GRM7: variants seen among roughly 807,000 people sequenced by gnomAD.
The protein encoded by GRM7 is metabotropic glutamate receptor 7.
GRM7 carries 35 observed loss-of-function variants against 84.5 expected under a neutral mutation model. The ratio of observed to expected loss-of-function variants is 0.41; its 90% CI spans 0.32 to 0.55. GRM7 has a LOEUF of 0.55. GRM7 is among the 20% of genes least tolerant of loss of function. GRM7 has a pLI of 0.19. For missense variants in GRM7, 1,003 were observed against 1,194.6 expected, an observed-to-expected ratio of 0.84 and a Z score of 2.36; for synonymous variants, 487 against 455.1, an observed-to-expected ratio of 1.07 and a Z score of -0.89.
At chr3:7,373,575 C>T (rs570555606) in intron 4 of GRM7, among the ~76,000 whole-genome samples, 2 of 152,256 alleles carry the variant, frequency 1.3e-5, no homozygotes, top group South Asian at 2.1e-4. Flanking sequence ...ACTTATTTCT[C>T]CCATTCTTTC....
At chr3:7,298,555 C>G in intron 2 of GRM7, 129 bp from the exon 3 acceptor site, 8 of 721,300 alleles carry the variant, frequency 1.1e-5, no homozygotes, top group Non-Finnish European at 1.6e-5. Context: ...ATGCTGTCCT[C>G]GCTTAGCAAC....
chr3:7,740,437 GA>G lies in GRM7; in HGVS notation c.*33del. The stretch of plus-strand genomic sequence containing the variant: ...TCCATTCCATGGAACCATGGAGGAG[GA>G]AGACCCTCAGTTATTTTGTCACCCA... On this transcript the variant is annotated 3_prime_UTR_variant, in exon 10 of 10. Coordinates refer to ENST00000357716, the MANE Select transcript of GRM7 (RefSeq NM_000844.4). 7.8e-7 allele frequency: 1 copy of G among 1,285,826 alleles called. No homozygotes were observed. The highest frequency in any genetic ancestry group is 1.1e-6 in the Non-Finnish European group (1 of 909,300). The allele number at this position is 1,285,826 out of a possible 1,614,324, so 79.7% of individuals were successfully genotyped here.
At chr3:7,124,988 G>C (rs1693348679) in intron 1 of GRM7, among the ~76,000 whole-genome samples, 2 of 152,130 alleles carry the variant, frequency 1.3e-5, no homozygotes, top group Admixed American at 1.3e-4. Flanking sequence ...GCCCAGGCTG[G>C]AGTGCAGTGG....
At position 7,579,144 on chromosome 3, in the gene GRM7, T is replaced by A; in HGVS notation, c.2238T>A (p.Val746=). The A allele has an allele frequency of 1.2e-6, 2 of 1,613,826 alleles. No individual in the cohort carries two copies. Among genetic ancestry groups the A allele is most frequent in the Non-Finnish European group, 1.7e-6 (2 of 1,179,758 alleles). Reference sequence around the variant, plus strand: ...TGAACCCTGAGCAAGCCAGAGGGGTTCTCAAGTGTGACATTACAGATCTCC... The same window carrying A: ...TGAACCCTGAGCAAGCCAGAGGGGTACTCAAGTGTGACATTACAGATCTCC... ...KTMNPEQARG[V]LKCDITDLQI... The change falls in exon 8 of 10, where the codon GTT becomes GTA. Residue 746 remains valine, a synonymous_variant. Coordinates refer to ENST00000357716, the MANE Select transcript of GRM7 (RefSeq NM_000844.4).
chr3:7,164,104 A>G (rs201975514), intron 2 of GRM7, among the ~76,000 whole-genome samples: 1 of 152,204 alleles, frequency 6.6e-6, no homozygotes, highest in African/African-American at 2.4e-5. Context: ...CACACCTGTA[A>G]TCCCAGCACT....
chr3:7,528,868 G>C (rs1700914752), intron 7 of GRM7, among the ~76,000 whole-genome samples: 2 of 152,094 alleles, frequency 1.3e-5, no homozygotes, highest in Non-Finnish European at 2.9e-5. Flanking sequence ...ATTCCACTGT[G>C]ATCTGAGAAT....
chr3:7,392,289 T>C (rs982736396), intron 4 of GRM7, among the ~76,000 whole-genome samples: 5 of 152,134 alleles, frequency 3.3e-5, no homozygotes, highest in Non-Finnish European at 7.4e-5. Context: ...AGAAGAAACC[T>C]TGGCTTCAGC....
intron 2 of GRM7, among the ~76,000 whole-genome samples, chr3:7,283,448 G>A (rs772908883): frequency 3.3e-5 from 5 of 151,996 alleles, no homozygotes; most frequent in Admixed American, 6.6e-5. Context: ...CCAAAGTTCC[G>A]TTCAGACACA....
chr3:6,985,325 T>G (rs190822601), intron 1 of GRM7, among the ~76,000 whole-genome samples: 2 of 152,294 alleles, frequency 1.3e-5, no homozygotes, highest in African/African-American at 4.8e-5. Flanking sequence ...TCTATTTTTT[T>G]TTTGTACCCA....
chr3:6,992,231 C>G (rs950600144), intron 1 of GRM7, among the ~76,000 whole-genome samples: 3 of 152,132 alleles, frequency 2.0e-5, no homozygotes, highest in Admixed American at 6.6e-5. Flanking sequence ...TACTACTATT[C>G]AATACACTCA....
chr3:7,142,096 T>G (rs1386009892), intron 1 of GRM7, among the ~76,000 whole-genome samples: 1 of 152,046 alleles, frequency 6.6e-6, no homozygotes, highest in Non-Finnish European at 1.5e-5. Flanking sequence ...TGAAAAGGTT[T>G]AAATATTTAA....
chr3:7,041,856 T>C lies in GRM7; in HGVS notation c.520-104596T>C, dbSNP rs1015789036. On this transcript the variant is annotated intron_variant, in intron 1 of 9. Coordinates refer to ENST00000357716, the MANE Select transcript of GRM7 (RefSeq NM_000844.4). The stretch of plus-strand genomic sequence containing the variant: ...AGGTGGAATTTTAAGCCCCTTCTGC[T>C]CGCCTCTAAGGAGGGGCAAGGGGGC... Among the ~76,000 whole-genome samples, 15 of 152,316 alleles carry C rather than the reference T, an allele frequency of 9.8e-5. 1 individual carries two copies. Among genetic ancestry groups the C allele is most frequent in the South Asian group, 4.1e-4 (2 of 4,826 alleles).
At chr3:7,048,650 A>G (rs1284136143) in intron 1 of GRM7, among the ~76,000 whole-genome samples, 5 of 151,996 alleles carry the variant, frequency 3.3e-5, no homozygotes, top group Non-Finnish European at 5.9e-5. Flanking sequence ...TTTGATATGT[A>G]TATATGGACA....
intron 9 of GRM7, among the ~76,000 whole-genome samples, chr3:7,710,357 C>G (rs1256190242): frequency 1.3e-5 from 2 of 152,080 alleles, no homozygotes; most frequent in Non-Finnish European, 2.9e-5. Flanking sequence ...TTTGCTGTAG[C>G]AAAAGATTTT....
chr3:7,608,067 C>CT (rs1482152194), intron 8 of GRM7: 1 of 368,730 alleles, frequency 2.7e-6, no homozygotes, highest in Non-Finnish European at 5.7e-6. Context: ...ATGACTCATG[C>CT]TTTTTTATGG....
chr3:7,328,901 G>T (rs924334916), intron 4 of GRM7, among the ~76,000 whole-genome samples: 3 of 152,052 alleles, frequency 2.0e-5, no homozygotes, highest in African/African-American at 7.2e-5. Flanking sequence ...GATTTTGATG[G>T]ATTTCAGTAT....
intron 7 of GRM7, among the ~76,000 whole-genome samples, chr3:7,505,990 C>CT (rs1700028669): frequency 6.6e-6 from 1 of 152,230 alleles, no homozygotes; most frequent in African/African-American, 2.4e-5. Context: ...TCTTTGCACT[C>CT]TGCTTCCCTT....
chr3:7,402,270 C>T lies in GRM7; in HGVS notation c.1034-12753C>T, dbSNP rs188106899. 2.0e-5 allele frequency among the ~76,000 whole-genome samples: 3 copies of T among 152,264 alleles called. No homozygotes were observed. In the East Asian group the frequency reaches 5.8e-4, roughly 29 times the overall value. On this transcript the variant is annotated intron_variant, in intron 4 of 9. Coordinates refer to ENST00000357716, the MANE Select transcript of GRM7 (RefSeq NM_000844.4). ...GTTACGTGCTCACTGCCAACCCAGTCAGTTGGTAACCATTACAAACCTATA... is the reference window on the plus strand; with the variant it reads ...GTTACGTGCTCACTGCCAACCCAGTTAGTTGGTAACCATTACAAACCTATA...
chr3:6,943,108 C>G (rs192148639), intron 1 of GRM7, among the ~76,000 whole-genome samples: 27 of 152,058 alleles, frequency 1.8e-4, no homozygotes, highest in Non-Finnish European at 2.9e-4. Flanking sequence ...ATTCTAGAGA[C>G]AAGTTCTTTA....
Sources: allele counts gnomAD v4.1 joint callset (sites outside exome capture counted in the v4.1 genomes callset), GRCh38; gene constraint gnomAD v4.1.1; transcripts MANE v1.5; gene names NCBI Gene and HGNC (gene_info 2026-07-23, HGNC 2026-07-21).